The following VAT1L variants were observed in gnomAD, a reference collection of about 807,000 sequenced individuals.
VAT1L encodes the protein vesicle amine transport 1 like, also known as putative NADPH-dependent quinone oxidoreductase VAT1L.
VAT1L carries 34 observed loss-of-function variants against 44.1 expected under a neutral mutation model. That is an observed-to-expected ratio of 0.77 (90% confidence interval 0.59 to 1.03). The LOEUF (loss-of-function observed/expected upper bound fraction) is 1.03, where lower values mean the gene tolerates loss of function less well. Among genes scored for constraint, VAT1L ranks in the 50% least tolerant of loss-of-function variants. The pLI is 0.00. For missense variants in VAT1L, 615 were observed against 538.8 expected (o/e 1.14, Z -1.40); for synonymous variants, 253 against 202.2 (o/e 1.25, Z -2.13).
rs1293700283 is a variant in VAT1L, at chr16:77,898,206, C to G, written c.1077+13404C>G. Among the ~76,000 whole-genome samples the G allele has an allele frequency of 2.0e-5, 3 of 152,138 alleles. No individual in the cohort carries two copies. In the East Asian group the frequency reaches 5.8e-4, roughly 29 times the overall value. ...TAAGAACACTAGTATTGGATTAGGG[C>G]CCACCCTACTTCAGTATAATCTCAT... On this transcript the variant is annotated intron_variant, in intron 7 of 8. Coordinates refer to ENST00000302536, the MANE Select transcript of VAT1L (RefSeq NM_020927.3).
intron 3 of VAT1L, among the ~76,000 whole-genome samples, chr16:77,859,887 A>T (rs2016898356): frequency 1.3e-5 from 2 of 152,092 alleles, no homozygotes; most frequent in South Asian, 2.1e-4. Context: ...CTCCAAATTC[A>T]TATGTTGAAG....
intron 7 of VAT1L, among the ~76,000 whole-genome samples, chr16:77,932,385 T>G (rs1164458396): frequency 1.3e-5 from 2 of 152,092 alleles, no homozygotes; most frequent in Non-Finnish European, 2.9e-5. Flanking sequence ...GATTACAGGC[T>G]TGAGCCACCA....
rs189469521 is a variant in VAT1L at position 77,864,442 on chromosome 16, A to G, written c.722+1552A>G. On this transcript the variant is annotated intron_variant, in intron 4 of 8. Coordinates refer to ENST00000302536, the MANE Select transcript of VAT1L (RefSeq NM_020927.3). ...GCTCGATCTCTACCTGTGCCCCCCCACAAAAATACAAAACGTAGATGAGCA... is the reference window on the plus strand; with the variant it reads ...GCTCGATCTCTACCTGTGCCCCCCCGCAAAAATACAAAACGTAGATGAGCA... Among the ~76,000 whole-genome samples, 413 of 152,108 alleles carry G rather than the reference A, an allele frequency of 2.7e-3. 3 individuals carry two copies. Among genetic ancestry groups the G allele is most frequent in the African/African-American group, 9.5e-3 (392 of 41,466 alleles).
rs1047453468 is a variant in VAT1L, at chr16:77,860,348, C to T, written c.580-2400C>T. Among the ~76,000 whole-genome samples, 3 of 150,170 alleles carry T rather than the reference C, an allele frequency of 2.0e-5. No individual in the cohort carries two copies. In the East Asian group the frequency reaches 5.8e-4, roughly 29 times the overall value. On this transcript the variant is annotated intron_variant, in intron 3 of 8. Coordinates refer to ENST00000302536, the MANE Select transcript of VAT1L (RefSeq NM_020927.3). The stretch of plus-strand genomic sequence containing the variant: ...TGTGATGTGTCGCTTTTGGGACAGC[C>T]AGGTGGAGACAAATGCCAAAACGAT...
Position 77,874,998 on chromosome 16 carries a change from A to G in VAT1L, c.723-1372A>G, listed in dbSNP as rs1372521236. ...ACAGACCTACAGGATCAAAGAAAGG[A>G]AGGATTGCAATCTTTGTTTTAGTAA... On this transcript the variant is annotated intron_variant, in intron 4 of 8. Coordinates refer to ENST00000302536, the MANE Select transcript of VAT1L (RefSeq NM_020927.3). 2.0e-5 allele frequency among the ~76,000 whole-genome samples: 3 copies of G among 152,218 alleles called. No homozygotes were observed. In the East Asian group the frequency reaches 5.8e-4, roughly 29 times the overall value.
rs567127097 is a variant in VAT1L at position 77,922,276 on chromosome 16, T to C, written c.1077+37474T>C. ...ATGTACAACATCCATGTGGTTCTTATTAGGTCTTGGAATTAAAAGGTACTC... is the reference window on the plus strand; with the variant it reads ...ATGTACAACATCCATGTGGTTCTTACTAGGTCTTGGAATTAAAAGGTACTC... On this transcript the variant is annotated intron_variant, in intron 7 of 8. Transcript: ENST00000302536. Among the ~76,000 whole-genome samples, 4 of 152,234 alleles carry C rather than the reference T, an allele frequency of 2.6e-5. No individual in the cohort carries two copies. The East Asian group carries it at 5.8e-4, about 22-fold the overall frequency.
At chr16:77,883,170 A>T (rs556203413) in intron 6 of VAT1L, among the ~76,000 whole-genome samples, 2 of 152,332 alleles carry the variant, frequency 1.3e-5, no homozygotes, top group South Asian at 4.1e-4. Flanking sequence ...ATGATAACAT[A>T]AAGGCTATCA....
At chr16:77,909,649 A>G (rs1224928821) in intron 7 of VAT1L, among the ~76,000 whole-genome samples, 1 of 151,928 alleles carries the variant, frequency 6.6e-6, no homozygotes, top group Non-Finnish European at 1.5e-5. Context: ...AAAAAAAAAA[A>G]AAAAAAAAGA....
At chr16:77,859,713 A>C (rs2016896707) in intron 3 of VAT1L, among the ~76,000 whole-genome samples, 1 of 152,164 alleles carries the variant, frequency 6.6e-6, no homozygotes, top group South Asian at 2.1e-4. Flanking sequence ...TCGAGGACAA[A>C]GAGATAACAC....
intron 1 of VAT1L, among the ~76,000 whole-genome samples, chr16:77,816,339 A>G (rs377425543): frequency 1.3e-5 from 2 of 152,306 alleles, no homozygotes. Context: ...CTCCAGTGGA[A>G]CATAATGTAA....
rs565170941 is a variant in VAT1L, at chr16:77,963,015, C to A, written c.1078-8835C>A. 4.8e-4 allele frequency among the ~76,000 whole-genome samples: 73 copies of A among 152,156 alleles called. 1 individual carries two copies. The highest frequency in any genetic ancestry group is 1.2e-3 in the Admixed American group (18 of 15,272). ...GAGGACATAGACAGCTTTCAGAAATCGAGTAGAGGGCGCTGGATCCTCAAG... is the reference window on the plus strand; with the variant it reads ...GAGGACATAGACAGCTTTCAGAAATAGAGTAGAGGGCGCTGGATCCTCAAG... On this transcript the variant is annotated intron_variant, in intron 7 of 8. Transcript: ENST00000302536.
At chr16:77,907,537 C>T (rs966296435) in intron 7 of VAT1L, among the ~76,000 whole-genome samples, 3 of 152,184 alleles carry the variant, frequency 2.0e-5, no homozygotes, top group African/African-American at 7.2e-5. Context: ...CTCTGTTTTG[C>T]TCTCACTTCT....
intron 8 of VAT1L, 92 bp from the exon 9 acceptor site, chr16:77,977,505 C>G: frequency 7.6e-7 from 1 of 1,313,642 alleles, no homozygotes; most frequent in Non-Finnish European, 1.1e-6. Context: ...TTCCTAGCCC[C>G]CAAGAAGTCC....
intron 7 of VAT1L, among the ~76,000 whole-genome samples, chr16:77,918,449 T>C (rs1300233654): frequency 6.6e-6 from 1 of 152,130 alleles, no homozygotes; most frequent in Non-Finnish European, 1.5e-5. Context: ...CAGGGCCTGC[T>C]GTAATTCCAC....
intron 1 of VAT1L, among the ~76,000 whole-genome samples, chr16:77,794,302 C>T (rs185824930): frequency 1.1e-3 from 173 of 152,272 alleles, no homozygotes; most frequent in African/African-American, 3.8e-3. Context: ...CACCCCAAAA[C>T]GGCCATTATG....
intron 7 of VAT1L, among the ~76,000 whole-genome samples, chr16:77,967,185 C>T (rs1003364649): frequency 2.0e-5 from 3 of 152,180 alleles, no homozygotes; most frequent in African/African-American, 7.2e-5. Flanking sequence ...GAAGGGGAAG[C>T]TGCCCTCTCA....
intron 7 of VAT1L, among the ~76,000 whole-genome samples, chr16:77,941,816 T>G (rs2017887854): frequency 6.6e-6 from 1 of 152,134 alleles, no homozygotes; most frequent in Non-Finnish European, 1.5e-5. Flanking sequence ...CTCAAACTCC[T>G]GACCTCAGGT....
chr16:77,834,874 G>T (rs1449998346), intron 3 of VAT1L, among the ~76,000 whole-genome samples: 1 of 152,118 alleles, frequency 6.6e-6, no homozygotes, highest in Non-Finnish European at 1.5e-5. Context: ...TTCTCAGTTT[G>T]CTCATTCACG....
intron 7 of VAT1L, among the ~76,000 whole-genome samples, chr16:77,903,579 TAC>T (rs910897823): frequency 6.6e-6 from 1 of 152,150 alleles, no homozygotes; most frequent in African/African-American, 2.4e-5. Context: ...CCAAATATCT[TAC>T]AGAGAAATTG....
Sources: gnomAD v4.1 joint callset for allele counts (sites outside exome capture counted in the v4.1 genomes callset) on GRCh38, gnomAD v4.1.1 for gene constraint, MANE v1.5 for transcripts, NCBI Gene and HGNC (gene_info 2026-07-23, HGNC 2026-07-21) for gene names.